DNM1L: variants seen among roughly 807,000 people sequenced by gnomAD.
DNM1L encodes the protein dynamin-1-like protein.
Under a neutral mutation model 92.8 loss-of-function variants are expected in DNM1L, and 33 were observed. The observed-to-expected ratio is 0.36, with a 90% CI of 0.27 to 0.48. The LOEUF is 0.48. DNM1L is among the 20% of genes least tolerant of loss of function. The pLI is 0.99. For synonymous variants in DNM1L, 284 were observed against 305.0 expected (o/e 0.93, Z 0.72); for missense variants, 485 against 888.8 (o/e 0.55, Z 5.78).
At chr12:32,705,916 G>A in intron 2 of DNM1L, 11 of 1,522,272 alleles carry the variant, frequency 7.2e-6, no homozygotes, top group Non-Finnish European at 9.9e-6. Flanking sequence ...GCCTGCATGT[G>A]TGCTTATGTA....
intron 1 of DNM1L, among the ~76,000 whole-genome samples, chr12:32,692,146 A>G (rs1437966427): frequency 6.6e-6 from 1 of 152,108 alleles, no homozygotes; most frequent in Non-Finnish European, 1.5e-5. Flanking sequence ...TTGGGTGGTG[A>G]TATATATTTT....
chr12:32,713,514 A>G (rs751135269), intron 6 of DNM1L, 143 bp downstream of exon 6: 2 of 992,408 alleles, frequency 2.0e-6, no homozygotes, highest in Non-Finnish European at 3.0e-6. Context: ...TTTGTTTATA[A>G]AAATAGAAAT....
At chr12:32,742,493 T>TCTTACTTA in intron 18 of DNM1L, 96 bp from the exon 19 acceptor site, 1 of 1,448,998 alleles carries the variant, frequency 6.9e-7, no homozygotes, top group Non-Finnish European at 9.6e-7. Context: ...GTAGTAGTGT[T>TCTTACTTA]CTTACTTAAC....
At chr12:32,726,072 AGT>A (rs1954121502) in intron 9 of DNM1L, among the ~76,000 whole-genome samples, 1 of 152,128 alleles carries the variant, frequency 6.6e-6, no homozygotes, top group South Asian at 2.1e-4. Context: ...GAAAAAAAAA[AGT>A]GTTTCCTTTA....
chr12:32,708,078 A>G (rs1454034881), intron 3 of DNM1L, 75 bp from the exon 4 acceptor site: 7 of 799,226 alleles, frequency 8.8e-6, no homozygotes, highest in Non-Finnish European at 1.5e-5. Flanking sequence ...CTTGAAGTAT[A>G]TGGACTCCCC....
At chr12:32,733,682 T>C (rs1394789511) in intron 12 of DNM1L, 33 bp from the exon 13 acceptor site, 1 of 1,563,302 alleles carries the variant, frequency 6.4e-7, no homozygotes, top group South Asian at 1.1e-5. Flanking sequence ...GTTGATGTAT[T>C]TTTGTATATC....
intron 5 of DNM1L, among the ~76,000 whole-genome samples, chr12:32,711,685 A>G (rs965597179): frequency 6.6e-6 from 1 of 152,082 alleles, no homozygotes; most frequent in Admixed American, 6.5e-5. Context: ...CTTTGAGACC[A>G]GGAGTTTGAG....
chr12:32,742,039 A>G (rs895816739), intron 18 of DNM1L, among the ~76,000 whole-genome samples: 5 of 152,176 alleles, frequency 3.3e-5, no homozygotes, highest in Non-Finnish European at 5.9e-5. Flanking sequence ...GCTATTATGA[A>G]TAAATGCTTA....
chr12:32,737,071 G>C (rs1954934505), intron 13 of DNM1L, 34 bp from the exon 14 acceptor site: 1 of 1,611,676 alleles, frequency 6.2e-7, no homozygotes, highest in East Asian at 2.2e-5. Context: ...CTCAATACTT[G>C]GATAATCACT....
At chr12:32,697,225 T>TA (rs972430064) in intron 1 of DNM1L, among the ~76,000 whole-genome samples, 1 of 151,830 alleles carries the variant, frequency 6.6e-6, no homozygotes, top group Non-Finnish European at 1.5e-5. Context: ...CGAGACTCTC[T>TA]AAAAAAATAT....
chr12:32,711,049 T>G (rs1284736191), intron 5 of DNM1L, 34 bp downstream of exon 5: 1 of 1,581,514 alleles, frequency 6.3e-7, no homozygotes, highest in Non-Finnish European at 8.7e-7. Flanking sequence ...TTGGTCAGGT[T>G]GTTTTCACTT....
intron 1 of DNM1L, chr12:32,679,950 G>C (rs1036100292): frequency 4.1e-6 from 4 of 985,670 alleles, no homozygotes; most frequent in Non-Finnish European, 1.2e-6. Flanking sequence ...TGCGGAGTTA[G>C]TTTTGGAATC....
chr12:32,683,223 T>G (rs1472920506), intron 1 of DNM1L, among the ~76,000 whole-genome samples: 1 of 152,190 alleles, frequency 6.6e-6, no homozygotes, highest in African/African-American at 2.4e-5. Flanking sequence ...AAAAACAATT[T>G]GGATTTTTTA....
intron 1 of DNM1L, 65 bp from the exon 2 acceptor site, chr12:32,701,349 GT>G: frequency 7.2e-7 from 1 of 1,385,172 alleles, no homozygotes; most frequent in South Asian, 1.2e-5. Flanking sequence ...TGTTAATATA[GT>G]TTATTGAATT....
chr12:32,707,275 T>A (rs1952962344), intron 2 of DNM1L, 92 bp from the exon 3 acceptor site: 4 of 972,088 alleles, frequency 4.1e-6, no homozygotes. Flanking sequence ...AAATACAAGT[T>A]AAGAAGTGTT....
rs762024500 is a variant in DNM1L at position 32,740,045 on chromosome 12, T to C, written c.1708-19T>C. 16 of 1,614,156 alleles carry C rather than the reference T, an allele frequency of 9.9e-6. No homozygotes were observed. The highest frequency in any genetic ancestry group is 1.4e-5 in the Non-Finnish European group (16 of 1,179,970). ...TCAGATATGATGTGGTTGGTATGTT[T>C]TGGAACATGTTTTTTCAGGTTGCAT... On this transcript the variant is annotated intron_variant, in intron 16 of 19. Transcript: ENST00000549701.
At chr12:32,705,918 G>A in intron 2 of DNM1L, 1 of 1,499,300 alleles carries the variant, frequency 6.7e-7, no homozygotes, top group Admixed American at 1.7e-5. Context: ...CTGCATGTGT[G>A]CTTATGTACT....
chr12:32,735,502 A>G lies in DNM1L; in HGVS notation c.1540-1603A>G, dbSNP rs946394794. Among the ~76,000 whole-genome samples, 34 of 152,286 alleles carry G rather than the reference A, an allele frequency of 2.2e-4. 1 individual carries two copies. Among genetic ancestry groups the G allele is most frequent in the African/African-American group, 7.2e-4 (30 of 41,570 alleles). On this transcript the variant is annotated intron_variant, in intron 13 of 19. Coordinates refer to ENST00000549701, the MANE Select transcript of DNM1L (RefSeq NM_012062.5). ...GATTGTTAATATCTATACTTTTATTATCTGTTATTTTTTATTACTGAATAC... is the reference window on the plus strand; with the variant it reads ...GATTGTTAATATCTATACTTTTATTGTCTGTTATTTTTTATTACTGAATAC...
At chr12:32,692,289 G>GTTAAACTTTTA (rs1952264225) in intron 1 of DNM1L, among the ~76,000 whole-genome samples, 1 of 152,126 alleles carries the variant, frequency 6.6e-6, no homozygotes, top group South Asian at 2.1e-4. Context: ...CAGGAATAGC[G>GTTAAACTTTTA]ACAACATGTT....
Sources: gnomAD v4.1 joint callset for allele counts (sites outside exome capture counted in the v4.1 genomes callset) on GRCh38, gnomAD v4.1.1 for gene constraint, MANE v1.5 for transcripts, NCBI Gene and HGNC (gene_info 2026-07-23, HGNC 2026-07-21) for gene names.